RIT2: variants seen among roughly 807,000 people sequenced by gnomAD.
The protein encoded by RIT2 is GTP-binding protein Rit2.
RIT2 carries 24 observed loss-of-function variants against 23.7 expected under a neutral mutation model. The observed-to-expected ratio is 1.01, with a 90% CI of 0.73 to 1.43. The LOEUF (loss-of-function observed/expected upper bound fraction) is 1.43. Among genes scored for constraint, RIT2 ranks in the 40% most tolerant of loss-of-function variants. The pLI is 0.00. For missense variants in RIT2, 236 were observed against 266.9 expected (o/e 0.88, Z 0.81); for synonymous variants, 107 against 91.1 (o/e 1.17, Z -0.99).
At position 42,929,807 on chromosome 18, in the gene RIT2, A is replaced by C. The variant is rs184733950; in HGVS notation, c.235-6044T>G. 1.7e-3 allele frequency among the ~76,000 whole-genome samples: 256 copies of C among 152,272 alleles called. 2 individuals are homozygous for C. The highest frequency in any genetic ancestry group is 3.1e-3 in the Non-Finnish European group (214 of 68,004). On this transcript the variant is annotated intron_variant, in intron 3 of 4. Transcript: ENST00000326695. ...CCCATTGCAATGGGATTAGCACAAA[A>C]TAACAGCCAGGAGCACATGTGAGGG...
At chr18:42,901,636 T>C (rs566863446) in intron 4 of RIT2, among the ~76,000 whole-genome samples, 1 of 152,174 alleles carries the variant, frequency 6.6e-6, no homozygotes, top group African/African-American at 2.4e-5. Context: ...ATTTAAAAAA[T>C]CTGTATAACT....
chr18:42,998,050 T>C (rs1911026325), intron 2 of RIT2, among the ~76,000 whole-genome samples: 1 of 152,160 alleles, frequency 6.6e-6, no homozygotes, highest in South Asian at 2.1e-4. Context: ...CAATACATTT[T>C]TTTTAACTTA....
At chr18:42,758,707 T>C (rs1164504585) in intron 4 of RIT2, among the ~76,000 whole-genome samples, 1 of 148,650 alleles carries the variant, frequency 6.7e-6, no homozygotes, top group Non-Finnish European at 1.5e-5. Flanking sequence ...GTATTTTTAG[T>C]AGAGACAGGG....
chr18:42,835,599 A>G (rs1321063873), intron 4 of RIT2, among the ~76,000 whole-genome samples: 1 of 152,194 alleles, frequency 6.6e-6, no homozygotes, highest in Non-Finnish European at 1.5e-5. Context: ...AGAAGCACAA[A>G]TAAAGTTGGA....
intron 4 of RIT2, among the ~76,000 whole-genome samples, chr18:42,832,196 G>A (rs1450745685): frequency 4.6e-5 from 7 of 152,134 alleles, no homozygotes; most frequent in Non-Finnish European, 7.4e-5. Context: ...ATGGTCCAGG[G>A]CGTGTCACTA....
At chr18:43,062,075 G>C (rs1912660060) in intron 1 of RIT2, among the ~76,000 whole-genome samples, 1 of 152,052 alleles carries the variant, frequency 6.6e-6, no homozygotes, top group South Asian at 2.1e-4. Flanking sequence ...TGAGCTACGG[G>C]AGTGAAGAAG....
intron 4 of RIT2, among the ~76,000 whole-genome samples, chr18:42,824,757 A>ATATG (rs1906247300): frequency 6.7e-6 from 1 of 148,534 alleles, no homozygotes. Context: ...CTTTGTGTGT[A>ATATG]TGTGTGTGTG....
intron 4 of RIT2, among the ~76,000 whole-genome samples, chr18:42,895,525 T>C (rs1014390470): frequency 3.9e-5 from 6 of 152,196 alleles, no homozygotes; most frequent in African/African-American, 1.4e-4. Flanking sequence ...CAGTAAGACA[T>C]GTGAGCACAG....
At chr18:43,003,038 A>C (rs1911144632) in intron 2 of RIT2, among the ~76,000 whole-genome samples, 1 of 152,030 alleles carries the variant, frequency 6.6e-6, no homozygotes, top group Admixed American at 6.6e-5. Flanking sequence ...CAGGGCAGCC[A>C]GGAGGAGCTG....
intron 4 of RIT2, among the ~76,000 whole-genome samples, chr18:42,895,704 A>G (rs1048841939): frequency 2.6e-5 from 4 of 152,174 alleles, no homozygotes; most frequent in African/African-American, 9.7e-5. Flanking sequence ...AATTTTTGTG[A>G]TCTTAGGAAG....
At chr18:42,960,004 T>C (rs1910059396) in intron 3 of RIT2, among the ~76,000 whole-genome samples, 1 of 152,184 alleles carries the variant, frequency 6.6e-6, no homozygotes, top group Non-Finnish European at 1.5e-5. Context: ...AGGATACTTT[T>C]AAAAAGTAAA....
chr18:42,850,751 G>T (rs543223843), intron 4 of RIT2, among the ~76,000 whole-genome samples: 9 of 151,994 alleles, frequency 5.9e-5, no homozygotes, highest in Non-Finnish European at 8.8e-5. Flanking sequence ...TTAACAATGG[G>T]GTTTTCAGGG....
rs549575759 is a variant in RIT2, at chr18:42,839,979, C to T, written c.426+83593G>A. ...AAAATGGTTAGGTTTGGATTAACGA[C>T]TGAAAGTTTCCCTAATTTTTGTGTC... On this transcript the variant is annotated intron_variant, in intron 4 of 4. Coordinates refer to ENST00000326695, the MANE Select transcript of RIT2 (RefSeq NM_002930.4). Among the ~76,000 whole-genome samples, 6 of 152,318 alleles carry T rather than the reference C, an allele frequency of 3.9e-5. 1 individual carries two copies. In the South Asian group the frequency reaches 1.2e-3, roughly 32 times the overall value.
At position 42,778,767 on chromosome 18, in the gene RIT2, A is replaced by G. The variant is rs113842815; in HGVS notation, c.427-35047T>C. Among the ~76,000 whole-genome samples the G allele has an allele frequency of 9.0e-3, 1,373 of 152,190 alleles. 20 individuals are homozygous for G. The highest frequency in any genetic ancestry group is 0.015 in the Non-Finnish European group (991 of 67,986). On this transcript the variant is annotated intron_variant, in intron 4 of 4. Transcript: ENST00000326695. ...TCTATATCCGAAGAGCTAATTTCTT[A>G]TTTTACATATTTTCCTTAGCTATTT...
intron 4 of RIT2, among the ~76,000 whole-genome samples, chr18:42,912,659 T>C (rs1163817927): frequency 1.3e-5 from 2 of 151,852 alleles, no homozygotes; most frequent in Admixed American, 6.6e-5. Flanking sequence ...AGAAATGTAA[T>C]AACAAAAATA....
intron 3 of RIT2, among the ~76,000 whole-genome samples, chr18:42,969,135 T>C (rs1284386953): frequency 6.6e-6 from 1 of 152,164 alleles, no homozygotes; most frequent in Non-Finnish European, 1.5e-5. Context: ...GTATTGATTC[T>C]AGAATATAAT....
At chr18:42,816,557 G>C (rs747352024) in intron 4 of RIT2, among the ~76,000 whole-genome samples, 2 of 152,040 alleles carry the variant, frequency 1.3e-5, no homozygotes, top group Non-Finnish European at 2.9e-5. Context: ...TCAATTCTTG[G>C]AGCCTCAGGT....
chr18:43,059,152 G>T (rs1461786235), intron 1 of RIT2, among the ~76,000 whole-genome samples: 1 of 151,786 alleles, frequency 6.6e-6, no homozygotes, highest in African/African-American at 2.4e-5. Flanking sequence ...TAAGATAGTA[G>T]AAGTCATTGT....
At chr18:42,964,772 C>T (rs2144191029) in intron 3 of RIT2, among the ~76,000 whole-genome samples, 1 of 152,300 alleles carries the variant, frequency 6.6e-6, no homozygotes, top group Admixed American at 6.5e-5. Context: ...AATGATTTGT[C>T]TCATCATTTT....
Sources: allele counts gnomAD v4.1 joint callset (sites outside exome capture counted in the v4.1 genomes callset), GRCh38; gene constraint gnomAD v4.1.1; transcripts MANE v1.5; gene names NCBI Gene and HGNC (gene_info 2026-07-23, HGNC 2026-07-21).